The following ZNF18 variants were observed in gnomAD, a reference collection of about 807,000 sequenced individuals.
The protein encoded by ZNF18 is heart development-specific gene 1 protein.
In ZNF18, 42 loss-of-function variants were observed where a neutral mutation model predicts 58.1. That is an observed-to-expected ratio of 0.72 (90% CI 0.56 to 0.93). The LOEUF (loss-of-function observed/expected upper bound fraction) is 0.93. Among genes scored for constraint, ZNF18 ranks in the 40% least tolerant of loss-of-function variants. ZNF18 has a pLI of 0.00. For missense variants in ZNF18, 540 were observed against 644.2 expected (o/e 0.84, Z 1.75); for synonymous variants, 231 against 239.8 (o/e 0.96, Z 0.34).
intron 6 of ZNF18, among the ~76,000 whole-genome samples, chr17:11,981,470 C>G (rs944194551): frequency 1.3e-5 from 2 of 151,236 alleles, no homozygotes; most frequent in African/African-American, 2.4e-5. Context: ...CAGGTGCTCA[C>G]ACCATGCCCG....
intron 6 of ZNF18, among the ~76,000 whole-genome samples, chr17:11,982,760 A>AATG (rs1491178328): frequency 6.6e-6 from 1 of 151,910 alleles, no homozygotes; most frequent in African/African-American, 2.4e-5. Flanking sequence ...GAAAGCAAAG[A>AATG]ATGACTATTT....
rs759328819 is a variant in ZNF18 at position 11,983,450 on chromosome 17, A to G, written c.752-43T>C. ...TATGGTGGGCCTGGATGAATAGGGAAGACTGGGAGCTCAAGCTGTGTCTTT... is the reference window on the plus strand; with the variant it reads ...TATGGTGGGCCTGGATGAATAGGGAGGACTGGGAGCTCAAGCTGTGTCTTT... On this transcript the variant is annotated intron_variant, in intron 5 of 6. Coordinates refer to ENST00000580306, the MANE Select transcript of ZNF18 (RefSeq NM_001303281.2). The G allele has an allele frequency of 4.0e-6, 6 of 1,487,676 alleles. No individual in the cohort carries two copies. The East Asian group carries it at 1.4e-4, about 34-fold the overall frequency. The allele number at this position is 1,487,676 out of a possible 1,614,324, so 92.2% of individuals were successfully genotyped here. A position where few individuals can be genotyped will look rare whatever the true frequency, so the allele number is the denominator to read the frequency against.
At chr17:12,015,326 T>G in the ZNF18 span, among the ~76,000 whole-genome samples, 5 of 152,232 alleles carry the variant, frequency 3.3e-5, no homozygotes, top group African/African-American at 4.8e-5. Flanking sequence ...AGGCCCTTTC[T>G]TGGCTACGCC....
chr17:12,013,445 T>C, the ZNF18 span, among the ~76,000 whole-genome samples: 1 of 152,222 alleles, frequency 6.6e-6, no homozygotes, highest in South Asian at 2.1e-4. Context: ...TGGTTTCTTA[T>C]TTTTTCTTTA....
At chr17:12,020,772 G>A in the ZNF18 span, 1 of 429,320 alleles carries the variant, frequency 2.3e-6, no homozygotes. Flanking sequence ...GGCGTGTCCG[G>A]GGCGTGTCGG....
chr17:12,016,762 A>C, the ZNF18 span, among the ~76,000 whole-genome samples: 1 of 152,174 alleles, frequency 6.6e-6, no homozygotes, highest in Non-Finnish European at 1.5e-5. Flanking sequence ...CATGGTATTC[A>C]CTAGCATAAA....
At chr17:11,991,476 G>T (rs1184955489) in intron 2 of ZNF18, among the ~76,000 whole-genome samples, 1 of 152,232 alleles carries the variant, frequency 6.6e-6, no homozygotes, top group Non-Finnish European at 1.5e-5. Flanking sequence ...TCTAAAGGTG[G>T]AATGCGCTGG....
upstream of ZNF18, among the ~76,000 whole-genome samples, chr17:11,998,822 C>CTTTTT (rs71142260): frequency 2.2e-4 from 24 of 108,526 alleles, no homozygotes; most frequent in African/African-American, 5.6e-4. Context: ...AGTTTCTAGT[C>CTTTTT]TTTTTTTTTT....
At chr17:12,018,464 T>C in the ZNF18 span, among the ~76,000 whole-genome samples, 6 of 152,234 alleles carry the variant, frequency 3.9e-5, no homozygotes, top group Non-Finnish European at 7.3e-5. Context: ...GTCTGCATCC[T>C]AATCTCTTTA....
the ZNF18 span, among the ~76,000 whole-genome samples, chr17:12,009,883 T>C: frequency 8.5e-5 from 13 of 152,206 alleles, no homozygotes; most frequent in African/African-American, 3.1e-4. Context: ...CATATATTCC[T>C]AGAATTCCAA....
the ZNF18 span, among the ~76,000 whole-genome samples, chr17:12,013,052 A>G: frequency 6.6e-6 from 1 of 151,934 alleles, no homozygotes; most frequent in Non-Finnish European, 1.5e-5. Flanking sequence ...CCTGGATTCA[A>G]GTGATTCTCC....
At chr17:11,980,516 G>A (rs1247017512) in intron 6 of ZNF18, among the ~76,000 whole-genome samples, 8 of 152,002 alleles carry the variant, frequency 5.3e-5, no homozygotes, top group Non-Finnish European at 1.0e-4. Context: ...TGCCTCCCAG[G>A]TTCAAGCGAT....
chr17:12,001,760 C>T (rs1968660962), upstream of ZNF18, among the ~76,000 whole-genome samples: 3 of 152,110 alleles, frequency 2.0e-5, no homozygotes, highest in Admixed American at 2.0e-4. Context: ...TAAACTTTTA[C>T]AATGTATACC....
chr17:11,983,802 A>G (rs1967540040), intron 5 of ZNF18, among the ~76,000 whole-genome samples: 4 of 152,148 alleles, frequency 2.6e-5, no homozygotes, highest in Admixed American at 2.6e-4. Flanking sequence ...GCAGTGGGTA[A>G]GTATTTGATC....
At position 11,989,090 on chromosome 17, in the gene ZNF18, C is replaced by T. The variant is rs58426384; in HGVS notation, c.666+1372G>A. ...AGGAGAATTGCTTGAACCAAGAAGTCGGAGGTTGTAGTGAGCTGAGATCGC... is the reference window on the plus strand; with the variant it reads ...AGGAGAATTGCTTGAACCAAGAAGTTGGAGGTTGTAGTGAGCTGAGATCGC... On this transcript the variant is annotated intron_variant, in intron 4 of 6. Coordinates refer to ENST00000580306, the MANE Select transcript of ZNF18 (RefSeq NM_001303281.2). Among the ~76,000 whole-genome samples, 1,011 of 151,324 alleles carry T rather than the reference C, an allele frequency of 6.7e-3. 9 individuals carry two copies. The highest frequency in any genetic ancestry group is 0.045 in the East Asian group (228 of 5,108).
chr17:11,998,830 T>C (rs1471012223), upstream of ZNF18, among the ~76,000 whole-genome samples: 1 of 147,546 alleles, frequency 6.8e-6, no homozygotes, highest in African/African-American at 2.5e-5. Context: ...GTCTTTTTTT[T>C]TTTTTTTTTT....
At chr17:12,021,351 G>T in the ZNF18 span, 1 of 159,646 alleles carries the variant, frequency 6.3e-6, no homozygotes, top group African/African-American at 2.4e-5. Flanking sequence ...CCGTTTCCGG[G>T]AACGCGCCGG....
At chr17:11,997,815 C>T (rs1968571386), upstream of ZNF18, among the ~76,000 whole-genome samples, 1 of 152,204 alleles carries the variant, frequency 6.6e-6, no homozygotes, top group Admixed American at 6.5e-5. Context: ...CCGCCCAGTC[C>T]CACCCGCAGA....
the ZNF18 span, among the ~76,000 whole-genome samples, chr17:12,013,691 A>G: frequency 6.6e-6 from 1 of 152,028 alleles, no homozygotes; most frequent in African/African-American, 2.4e-5. Flanking sequence ...TTTGTTGGGT[A>G]TTCTTTATTT....
Sources: gnomAD v4.1 joint callset for allele counts (sites outside exome capture counted in the v4.1 genomes callset) on GRCh38, gnomAD v4.1.1 for gene constraint, MANE v1.5 for transcripts, NCBI Gene and HGNC (gene_info 2026-07-23, HGNC 2026-07-21) for gene names.